Variants in LOXHD1 observed in about 807,000 individuals in gnomAD.
LOXHD1 encodes the protein lipoxygenase homology domain-containing protein 1.
A neutral mutation model predicts 248.2 loss-of-function variants in LOXHD1; 205 were observed. That is an observed-to-expected ratio of 0.83 (90% CI 0.74 to 0.93). The LOEUF (loss-of-function observed/expected upper bound fraction) is 0.93. Ranked by LOEUF, LOXHD1 falls within the 40% of genes least tolerant of loss-of-function variation. The pLI, the probability that LOXHD1 is intolerant of heterozygous loss-of-function variation, is 0.00. For missense variants in LOXHD1, 2,930 were observed against 2,971.6 expected (o/e 0.99, Z 0.33); for synonymous variants, 1,113 against 1,162.8 (o/e 0.96, Z 0.87).
At chr18:46,540,654 C>CTTTTTTTTTTTTTTTTTTTTTTTTTTT (rs60099172) in intron 25 of LOXHD1, among the ~76,000 whole-genome samples, 1 of 91,402 alleles carries the variant, frequency 1.1e-5, no homozygotes, top group Non-Finnish European at 2.0e-5. Flanking sequence ...AACTCTTTAT[C>CTTTTTTTTTTTTTTTTTTTTTTTTTTT]TTTTTTTTTT....
In LOXHD1 at chr18:46,618,225, A is replaced by G; in HGVS notation, c.577T>C (p.Phe193Leu). ...CCATACTCTCCAAAAATATTGATGA[A>G]GACATCAGCATCTGTCCCTGCACCA... The part of the protein sequence containing the change: ...VIGAGTDADV[F>L]INIFGEYGDT... Residue 193 changes from phenylalanine to leucine, a missense_variant, in exon 5 of 41, where the codon TTC becomes CTC. By Grantham distance (22) the Phe-to-Leu change is conservative. Transcript: ENST00000642948. 3 of 1,551,426 alleles carry G rather than the reference A, an allele frequency of 1.9e-6. No individual in the cohort carries two copies. Among genetic ancestry groups the G allele is most frequent in the Non-Finnish European group, 2.6e-6 (3 of 1,146,758 alleles).
At chr18:46,559,135 G>C in intron 20 of LOXHD1, 1 of 1,356,396 alleles carries the variant, frequency 7.4e-7, no homozygotes, top group Non-Finnish European at 9.7e-7. Flanking sequence ...ACCATCTTGC[G>C]GCGAGGACTT....
At chr18:46,538,672 A>G (rs12456713) in intron 25 of LOXHD1, among the ~76,000 whole-genome samples, 43,099 of 152,106 alleles carry the variant, frequency 0.28, 7,430 homozygotes, top group East Asian at 0.4. Context: ...TGTCTTGACC[A>G]TTGGTGTAAT....
rs1227048867 is a variant in LOXHD1, at chr18:46,656,841, A to G, written c.130+63T>C. On this transcript the variant is annotated intron_variant, in intron 1 of 40. Transcript: ENST00000642948. ...CTTAGAATGACTCCCCATAGACAGG[A>G]ACAGACCCCTGCCCACCGCAGCCAG... is the stretch of plus-strand genomic sequence containing the variant. 2.0e-6 allele frequency: 3 copies of G among 1,527,204 alleles called. No homozygotes were observed. The African/African-American group carries it at 4.1e-5, about 21-fold the overall frequency. The allele number at this position is 1,527,204 out of a possible 1,614,324, so 94.6% of individuals were successfully genotyped here. A position where few individuals can be genotyped will look rare whatever the true frequency, so the allele number is the denominator to read the frequency against.
At chr18:46,483,843 G>A (rs1197835347) in intron 39 of LOXHD1, 98 bp from the exon 40 acceptor site, 1 of 1,393,704 alleles carries the variant, frequency 7.2e-7, no homozygotes, top group Non-Finnish European at 9.7e-7. Flanking sequence ...GTGGGCCAGG[G>A]AACAGGGATG....
At chr18:46,483,829 A>G in intron 39 of LOXHD1, 84 bp from the exon 40 acceptor site, 2 of 1,458,888 alleles carry the variant, frequency 1.4e-6, no homozygotes, top group Non-Finnish European at 1.8e-6. Context: ...CTGCATTCCA[A>G]GCAGTGGGCC....
At chr18:46,488,799 AGT>A (rs1005310932) in intron 38 of LOXHD1, among the ~76,000 whole-genome samples, 171 bp downstream of exon 38, 18 of 152,154 alleles carry the variant, frequency 1.2e-4, no homozygotes, top group African/African-American at 4.3e-4. Flanking sequence ...AGCTGGCATC[AGT>A]GTTTCTTAGC....
At chr18:46,645,534 A>G (rs889453179) in intron 2 of LOXHD1, among the ~76,000 whole-genome samples, 6 of 152,204 alleles carry the variant, frequency 3.9e-5, no homozygotes, top group African/African-American at 1.4e-4. Flanking sequence ...CACATGACTC[A>G]GAGCTGGAGG....
At chr18:46,605,968 G>T (rs1249489267) in intron 6 of LOXHD1, among the ~76,000 whole-genome samples, 2 of 152,152 alleles carry the variant, frequency 1.3e-5, no homozygotes, top group Non-Finnish European at 2.9e-5. Context: ...AAGAATCAGA[G>T]GAGGGGCAGA....
rs1057453302 is a variant in LOXHD1, at chr18:46,505,695, A to C, written c.5878+143T>G. On this transcript the variant is annotated intron_variant, in intron 37 of 40. Transcript: ENST00000642948. ...CTGGCTCTTTCATACTGATGGAAGC[A>C]TCAATGTGGTGGTCATCAACTGTGT... 1.7e-5 allele frequency: 14 copies of C among 804,434 alleles called. 1 individual carries two copies. The Admixed American group carries it at 3.4e-4, about 20-fold the overall frequency. 49.8% of individuals were successfully genotyped at this position (804,434 alleles called of 1,614,324 possible). A position where few individuals can be genotyped will look rare whatever the true frequency, so the allele number is the denominator to read the frequency against.
Position 46,534,427 on chromosome 18 carries a change from C to A in LOXHD1, c.4120G>T (p.Glu1374Ter), listed in dbSNP as rs770018154. The change falls in exon 27 of 41, where the codon GAA becomes TAA. Residue 1374 changes from glutamate to a stop codon, truncating the protein, a stop_gained. Transcript: ENST00000642948. LOFTEE classifies it high-confidence loss of function. The part of the protein sequence containing the change: ...VELEDVGEII[E>*]KIRIGHNNTG... Reference sequence around the variant, plus strand: ...TTATTATGGCCAATCCGAATTTTTTCAATGATTTCTCCCACATCTTCTAAC... The same window carrying A: ...TTATTATGGCCAATCCGAATTTTTTAAATGATTTCTCCCACATCTTCTAAC... The A allele has an allele frequency of 1.3e-6, 2 of 1,551,656 alleles. No homozygotes were observed. Among genetic ancestry groups the A allele is most frequent in the South Asian group, 1.2e-5 (1 of 84,048 alleles).
chr18:46,652,447 T>C (rs1016911142), intron 1 of LOXHD1, among the ~76,000 whole-genome samples: 1 of 152,126 alleles, frequency 6.6e-6, no homozygotes, highest in East Asian at 1.9e-4. Flanking sequence ...ACATAGCCAA[T>C]AGACATATGG....
chr18:46,654,411 G>A (rs986894111), intron 1 of LOXHD1, among the ~76,000 whole-genome samples: 2 of 152,186 alleles, frequency 1.3e-5, no homozygotes, highest in African/African-American at 4.8e-5. Flanking sequence ...CTCCGGGGCT[G>A]GAAGCCTGTG....
intron 40 of LOXHD1, 73 bp downstream of exon 40, chr18:46,483,514 G>A: frequency 6.6e-7 from 1 of 1,525,880 alleles, no homozygotes; most frequent in East Asian, 2.5e-5. Flanking sequence ...CTGCTCTCTT[G>A]CCCATGGTCC....
intron 12 of LOXHD1, among the ~76,000 whole-genome samples, chr18:46,580,724 G>C (rs183128962): frequency 7.9e-5 from 12 of 152,346 alleles, no homozygotes. Flanking sequence ...TAACACAGTG[G>C]AGGGACATCT....
chr18:46,627,576 A>G (rs1390423756), intron 4 of LOXHD1, among the ~76,000 whole-genome samples: 1 of 152,228 alleles, frequency 6.6e-6, no homozygotes, highest in Non-Finnish European at 1.5e-5. Flanking sequence ...AGTTTGAAGC[A>G]AATACACAAT....
intron 14 of LOXHD1, among the ~76,000 whole-genome samples, chr18:46,575,679 G>A (rs2037839987): frequency 6.6e-6 from 1 of 152,124 alleles, no homozygotes; most frequent in Non-Finnish European, 1.5e-5. Context: ...TCTGAGGGGT[G>A]CAGCCTGGCT....
chr18:46,604,749 T>G (rs1328879593), intron 6 of LOXHD1, among the ~76,000 whole-genome samples: 1 of 151,864 alleles, frequency 6.6e-6, no homozygotes, highest in East Asian at 1.9e-4. Flanking sequence ...CTATGATGCC[T>G]CCCTCAGGGA....
At chr18:46,520,234 C>T in intron 33 of LOXHD1, 3 of 467,602 alleles carry the variant, frequency 6.4e-6, no homozygotes, top group Non-Finnish European at 1.3e-5. Flanking sequence ...TTTTTAGAGC[C>T]CCACTTCTGT....
Sources: allele counts gnomAD v4.1 joint callset (sites outside exome capture counted in the v4.1 genomes callset), GRCh38; gene constraint gnomAD v4.1.1; transcripts MANE v1.5; gene names NCBI Gene and HGNC (gene_info 2026-07-23, HGNC 2026-07-21).